Variants in RNF212B observed in about 807,000 individuals in gnomAD.
RNF212B encodes the protein ring finger protein 212B.
In RNF212B, 52 loss-of-function variants were observed where a neutral mutation model predicts 55.5. That is an observed-to-expected ratio of 0.94 (90% CI 0.75 to 1.18). The LOEUF (loss-of-function observed/expected upper bound fraction) is 1.18, where lower values mean the gene tolerates loss of function less well. RNF212B is among the 50% of genes most tolerant of loss of function. The pLI is 0.00. For missense variants in RNF212B, 289 were observed against 350.4 expected, an observed-to-expected ratio of 0.82 and a Z score of 1.40; for synonymous variants, 99 against 121.4, an observed-to-expected ratio of 0.82 and a Z score of 1.21.
intron 2 of RNF212B, among the ~76,000 whole-genome samples, chr14:23,218,424 A>T (rs1881288132): frequency 6.6e-6 from 1 of 151,424 alleles, no homozygotes; most frequent in South Asian, 2.1e-4. Flanking sequence ...AAAGCCTCTT[A>T]AAAGTAATCT....
At chr14:23,243,554 G>C (rs1883755990) in intron 3 of RNF212B, among the ~76,000 whole-genome samples, 1 of 151,690 alleles carries the variant, frequency 6.6e-6, no homozygotes. Flanking sequence ...AAATTAGCCA[G>C]GCGTGGTGGT....
At position 23,243,326 on chromosome 14, in the gene RNF212B, T is replaced by C; in HGVS notation, c.153+18T>C. The stretch of plus-strand genomic sequence containing the variant: ...CTGATAATGTAAGTTTTTCTCCCCC[T>C]GCCACAAACTGTCTCATCCCATTCC... On this transcript the variant is annotated intron_variant, in intron 3 of 14. Coordinates refer to ENST00000430154, the MANE Select transcript of RNF212B (RefSeq NM_001282322.3). The C allele has an allele frequency of 6.5e-7, 1 of 1,543,410 alleles. No homozygotes were observed. Among genetic ancestry groups the C allele is most frequent in the Non-Finnish European group, 8.8e-7 (1 of 1,140,458 alleles).
At chr14:23,249,363 T>G (rs1163527292) in intron 4 of RNF212B, among the ~76,000 whole-genome samples, 3 of 152,034 alleles carry the variant, frequency 2.0e-5, no homozygotes, top group Non-Finnish European at 4.4e-5. Context: ...TTGGGCAACA[T>G]AGTGAAACCC....
chr14:23,216,016 C>T lies in RNF212B; in HGVS notation c.-2+22615C>T, dbSNP rs190804607. ...ATCCCAGCACTTTGGGAGGCCAAGG[C>T]GGGCGGATCACGAGATCAGGAGATC... On this transcript the variant is annotated intron_variant, in intron 2 of 15. Transcript: ENST00000399910. Among the ~76,000 whole-genome samples the T allele has an allele frequency of 4.4e-3, 669 of 151,910 alleles. 6 individuals are homozygous for T. The highest frequency in any genetic ancestry group is 0.017 in the Middle Eastern group (5 of 294).
intron 3 of RNF212B, 129 bp from the exon 4 acceptor site, chr14:23,244,193 T>C: frequency 1.8e-6 from 1 of 546,460 alleles, no homozygotes. Flanking sequence ...AGTGGAGATC[T>C]CCCTTTTACA....
chr14:23,217,061 A>G (rs1213234115), intron 2 of RNF212B, among the ~76,000 whole-genome samples: 3 of 152,134 alleles, frequency 2.0e-5, no homozygotes, highest in Non-Finnish European at 4.4e-5. Context: ...GGGGTCCCTG[A>G]GTCCAGGCCT....
chr14:23,208,879 C>T (rs1231009117), intron 2 of RNF212B, among the ~76,000 whole-genome samples: 3 of 150,240 alleles, frequency 2.0e-5, no homozygotes, highest in Admixed American at 6.6e-5. Flanking sequence ...CTGACTCAGC[C>T]CCCTGAGTAG....
intron 2 of RNF212B, among the ~76,000 whole-genome samples, 155 bp downstream of exon 2, chr14:23,240,600 G>A (rs1883498402): frequency 1.3e-5 from 2 of 152,176 alleles, no homozygotes; most frequent in Non-Finnish European, 2.9e-5. Flanking sequence ...AGAAATTGAA[G>A]GAATCCATTA....
In RNF212B at chr14:23,206,084, T is replaced by TG. The variant is rs964789936; in HGVS notation, c.-2+12683_-2+12684insG. Among the ~76,000 whole-genome samples, 6 of 149,110 alleles carry TG rather than the reference T, an allele frequency of 4.0e-5. 1 individual carries two copies. Among genetic ancestry groups the TG allele is most frequent in the Admixed American group, 3.3e-4 (5 of 15,132 alleles). On this transcript the variant is annotated intron_variant, in intron 2 of 15. Transcript: ENST00000399910. ...AACCTGAAAAAGCATTTGACTAGTC[T>TG]TTTTTTTTGAGACGGAGTCTTGCTC...
chr14:23,187,493 T>C (rs1467352934), intron 1 of RNF212B, among the ~76,000 whole-genome samples: 1 of 152,156 alleles, frequency 6.6e-6, no homozygotes, highest in Admixed American at 6.6e-5. Context: ...GGACTACAGA[T>C]GTGCGCCACC....
intron 4 of RNF212B, among the ~76,000 whole-genome samples, chr14:23,247,062 C>T (rs146146945): frequency 0.025 from 3,758 of 151,968 alleles, 63 homozygotes; most frequent in Non-Finnish European, 0.038. Flanking sequence ...ATCACTTGAA[C>T]CTGGGAGGTG....
intron 2 of RNF212B, among the ~76,000 whole-genome samples, chr14:23,220,234 A>AAAAACAAAAACC (rs1881445003): frequency 7.4e-6 from 1 of 134,292 alleles, no homozygotes; most frequent in Admixed American, 7.4e-5. Flanking sequence ...AAACAAAAAC[A>AAAAACAAAAACC]AAAACCATAC....
At chr14:23,237,862 G>T (rs1255757568), upstream of RNF212B, among the ~76,000 whole-genome samples, 3 of 151,978 alleles carry the variant, frequency 2.0e-5, no homozygotes, top group Non-Finnish European at 4.4e-5. Context: ...CGCACGCCAC[G>T]GAGCCACGCC....
At position 23,219,496 on chromosome 14, in the gene RNF212B, C is replaced by CAG. The variant is rs1425630857; in HGVS notation, c.-1-20848_-1-20847dup. Among the ~76,000 whole-genome samples, 1,269 of 148,694 alleles carry CAG rather than the reference C, an allele frequency of 8.5e-3. 23 individuals carry two copies. The highest frequency in any genetic ancestry group is 0.03 in the African/African-American group (1,200 of 40,454). Reference sequence around the variant, plus strand: ...CTTCTAGTTTTTTTTTTTTTTGAGACAGTCTCACTCTGTCGCGCAGACTGG... The same window carrying CAG: ...CTTCTAGTTTTTTTTTTTTTTGAGACAGAGTCTCACTCTGTCGCGCAGACTGG... On this transcript the variant is annotated intron_variant, in intron 2 of 15. Coordinates refer to the RNF212B transcript ENST00000399910.
intron 2 of RNF212B, among the ~76,000 whole-genome samples, chr14:23,214,876 G>A (rs1654515672): frequency 1.3e-5 from 2 of 152,134 alleles, no homozygotes; most frequent in African/African-American, 4.8e-5. Context: ...AAAAAGCTGA[G>A]TGAACTTCAA....
intron 2 of RNF212B, among the ~76,000 whole-genome samples, chr14:23,232,784 T>TCG (rs1882792419): frequency 1.0e-5 from 1 of 96,494 alleles, no homozygotes; most frequent in Non-Finnish European, 2.3e-5. Context: ...GGGAGGGAGG[T>TCG]GGGGGGGGGG....
At chr14:23,252,013 G>C (rs1457658106) in intron 4 of RNF212B, among the ~76,000 whole-genome samples, 2 of 151,470 alleles carry the variant, frequency 1.3e-5, no homozygotes, top group African/African-American at 2.4e-5. Context: ...CATTACATAG[G>C]CATGATTGAT....
At chr14:23,227,224 T>A (rs950244378) in intron 2 of RNF212B, among the ~76,000 whole-genome samples, 3 of 67,966 alleles carry the variant, frequency 4.4e-5, no homozygotes, top group African/African-American at 2.3e-4. Context: ...ATTATTATAA[T>A]TTTTTTTTTG....
chr14:23,192,803 G>A (rs931936200), intron 1 of RNF212B, among the ~76,000 whole-genome samples: 16 of 151,974 alleles, frequency 1.1e-4, no homozygotes, highest in African/African-American at 3.1e-4. Flanking sequence ...TAAAAATATA[G>A]CTTTATGGCC....
Sources: allele counts gnomAD v4.1 joint callset (sites outside exome capture counted in the v4.1 genomes callset), GRCh38; gene constraint gnomAD v4.1.1; transcripts MANE v1.5; gene names NCBI Gene and HGNC (gene_info 2026-07-23, HGNC 2026-07-21).